Variants in KAT2A observed in about 807,000 individuals in gnomAD.
The protein encoded by KAT2A is histone acetyltransferase KAT2A.
A neutral mutation model predicts 95.2 loss-of-function variants in KAT2A; 42 were observed. The observed-to-expected ratio is 0.44, with a 90% CI of 0.34 to 0.57. The LOEUF (loss-of-function observed/expected upper bound fraction) is 0.57. Ranked by LOEUF, KAT2A falls within the 20% of genes least tolerant of loss-of-function variation. The pLI is 0.01. For missense variants in KAT2A, 784 were observed against 1,126.3 expected (o/e 0.70, Z 4.35); for synonymous variants, 449 against 448.2 (o/e 1.00, Z -0.02).
chr17:42,118,186 G>C, intron 7 of KAT2A, 111 bp downstream of exon 7: 1 of 905,764 alleles, frequency 1.1e-6, no homozygotes. Context: ...GCCGGTGGCA[G>C]GTCCCTCAGT....
Position 42,121,355 on chromosome 17 carries a change from A to G in KAT2A, c.-51T>C, listed in dbSNP as rs781791194. 6.7e-6 allele frequency: 9 copies of G among 1,348,932 alleles called. No homozygotes were observed. In the East Asian group the frequency reaches 9.1e-5, roughly 14 times the overall value. The allele number at this position is 1,348,932 out of a possible 1,614,324, so 83.6% of individuals were successfully genotyped here. On this transcript the variant is annotated 5_prime_UTR_variant, in exon 1 of 18. An upstream start codon of the reference 5' UTR is lost. Coordinates refer to ENST00000225916, the MANE Select transcript of KAT2A (RefSeq NM_021078.3). ...GCCGCGCTCCCAGCCCTAGGGCCGC[A>G]TGGGCAACCAGCGCTCAGTGCGCAG...
chr17:42,115,016 T>A lies in KAT2A; in HGVS notation c.1895A>T (p.Lys632Met). The change falls in exon 13 of 18, where the codon AAG becomes ATG. Residue 632 changes from lysine to methionine, a missense_variant. Physicochemically the swap from Lys to Met is moderately conservative, Grantham distance 95 (BLOSUM62 -1). Around this residue, in one of 6 missense-constraint regions of KAT2A, gnomAD observed 174 missense variants for 324.9 expected, o/e 0.54. Transcript: ENST00000225916. The stretch of plus-strand genomic sequence containing the variant: ...GCCCAGGTAGCGGCTCTTGGGCACC[T>A]TGATGTCCTTGGAGAAACCCTGGGG... Reference protein sequence around the residue: ...FKKQGFSKDIKVPKSRYLGYI... With the variant: ...FKKQGFSKDIMVPKSRYLGYI... 1 of 1,613,938 alleles carries A rather than the reference T, an allele frequency of 6.2e-7. No homozygotes were observed. The highest frequency in any genetic ancestry group is 1.3e-5 in the African/African-American group (1 of 74,974).
chr17:42,118,345 C>G lies in KAT2A; in HGVS notation c.1132G>C (p.Gly378Arg). 6.2e-7 allele frequency: 1 copy of G among 1,614,138 alleles called. No homozygotes were observed. The highest frequency in any genetic ancestry group is 8.5e-7 in the Non-Finnish European group (1 of 1,179,960). The change falls in exon 7 of 18, where the codon GGC becomes CGC. Residue 378 changes from glycine (G) to arginine (R), a missense_variant. This residue lies in a region of KAT2A where 63 missense variants were observed against 70.1 expected (regional missense o/e 0.90). Coordinates refer to ENST00000225916, the MANE Select transcript of KAT2A (RefSeq NM_021078.3). ...CCCTCTGAGGGTGGCATGGTGAAGCCTGACTCCCAGATTGGAGAGTTTGCC... is the reference window on the plus strand; with the variant it reads ...CCCTCTGAGGGTGGCATGGTGAAGCGTGACTCCCAGATTGGAGAGTTTGCC... Reference protein sequence around the residue: ...YGANSPIWESGFTMPPSEGTQ... With the variant: ...YGANSPIWESRFTMPPSEGTQ...
At position 42,117,892 on chromosome 17, in the gene KAT2A, G is replaced by A. The variant is rs782004907; in HGVS notation, c.1291+15C>T. The A allele has an allele frequency of 2.5e-6, 4 of 1,599,634 alleles. No individual in the cohort carries two copies. The highest frequency in any genetic ancestry group is 2.2e-5 in the East Asian group (1 of 44,582). ...GGAGTGAATGAGGGTCAGAGGTCAG[G>A]GGTCAAGTATCCACCTGGCATAGGC... On this transcript the variant is annotated intron_variant, in intron 8 of 17. Coordinates refer to ENST00000225916, the MANE Select transcript of KAT2A (RefSeq NM_021078.3). This position sits in a 1 kb window ranked among gnomAD's most constrained non-coding sequence, Gnocchi z 8.9.
At chr17:42,118,084 A>C (rs2054286690) in intron 7 of KAT2A, 67 bp from the exon 8 acceptor site, 10 of 872,964 alleles carry the variant, frequency 1.1e-5, no homozygotes, top group African/African-American at 2.2e-5. Context: ...GAAGTCAGGG[A>C]CGGGGGCTGA....
At position 42,121,168 on chromosome 17, in the gene KAT2A, G is replaced by A; in HGVS notation, c.137C>T (p.Pro46Leu). Residue 46 changes from proline (P) to leucine (L), a missense_variant, in exon 1 of 18, where the codon CCA (proline) becomes CTA (leucine). Coordinates refer to ENST00000225916, the MANE Select transcript of KAT2A (RefSeq NM_021078.3). ...SAPIPTPTPA[P>L]APAPAAAPAG... ...TGGGGCTGCAGCTGGGGCAGGGGCT[G>A]GTGCCGGGGTGGGAGTCGGAATCGG... 1 of 1,419,192 alleles carries A rather than the reference G, an allele frequency of 7.0e-7. No individual in the cohort carries two copies. Among genetic ancestry groups the A allele is most frequent in the Admixed American group, 2.4e-5 (1 of 41,086 alleles). The allele number at this position is 1,419,192 out of a possible 1,614,324, so 87.9% of individuals were successfully genotyped here.
In KAT2A at chr17:42,117,415, T is replaced by C. The variant is rs1454120592; in HGVS notation, c.1610A>G (p.Glu537Gly). ...GTCAAAGACGAGGCGGGCGATATAC[T>C]CCTTAGGCATGCGCGGCAGCTGGTG... ...FSHQLPRMPKEYIARLVFDPK... is the reference protein window; with the variant it reads ...FSHQLPRMPKGYIARLVFDPK... Residue 537 changes from glutamate (E) to glycine (G), a missense_variant, in exon 10 of 18, where the codon GAG (glutamate) becomes GGG (glycine). Around this residue, in one of 6 missense-constraint regions of KAT2A, gnomAD observed 174 missense variants for 324.9 expected, o/e 0.54. Coordinates refer to ENST00000225916, the MANE Select transcript of KAT2A (RefSeq NM_021078.3). The surrounding 1 kb of genome is among the most constrained non-coding windows in gnomAD (Gnocchi z 8.9). 6.2e-7 allele frequency: 1 copy of C among 1,613,356 alleles called. No individual in the cohort carries two copies. Among genetic ancestry groups the C allele is most frequent in the Non-Finnish European group, 8.5e-7 (1 of 1,179,900 alleles).
rs1555665548 is a variant in KAT2A at position 42,114,499 on chromosome 17, G to C, written c.2125C>G (p.Pro709Ala). ...GVRQIPVESV[P>A]GIRETGWKPL... ...TGAGACCCCTGCTTACGAATGCCAG[G>C]AACGCTCTCCACAGGGATCTGCCTC... is the stretch of plus-strand genomic sequence containing the variant. The change falls in exon 14 of 18, where the codon CCT (proline) becomes GCT (alanine). Residue 709 changes from proline to alanine, a missense_variant. Coordinates refer to ENST00000225916, the MANE Select transcript of KAT2A (RefSeq NM_021078.3). The surrounding 1 kb of genome is among the most constrained non-coding windows in gnomAD (Gnocchi z 6.0). 1 of 1,614,022 alleles carries C rather than the reference G, an allele frequency of 6.2e-7. No homozygotes were observed.
chr17:42,120,323 G>A lies in KAT2A; in HGVS notation c.511C>T (p.Arg171Ter). 2.5e-6 allele frequency: 4 copies of A among 1,614,144 alleles called. No homozygotes were observed. The highest frequency in any genetic ancestry group is 3.4e-6 in the Non-Finnish European group (4 of 1,180,006). ...ACATCCACCACCATCCCCAGCAGTC[G>A]GTTTATCTCATCCTCTGACACATTC... ...LENVSEDEIN[R>*]LLGMVVDVEN... The change falls in exon 3 of 18, where the codon CGA (arginine) becomes TGA (stop). Residue 171 changes from arginine to a stop codon, truncating the protein, a stop_gained. Coordinates refer to ENST00000225916, the MANE Select transcript of KAT2A (RefSeq NM_021078.3). LOFTEE classifies it high-confidence loss of function.
At position 42,115,777 on chromosome 17, in the gene KAT2A, A is replaced by G; in HGVS notation, c.1821T>C (p.Ile607=). ...HLKEYHIKHN[I]LYFLTYADEY... is the part of the protein sequence containing the mutation. ...CGTCGGCGTAGGTGAGGAAGTAGAG[A>G]ATGTTGTGCTTGATGTGATACTCCT... Residue 607 remains isoleucine (I), a synonymous_variant, in exon 12 of 18, where the codon ATT becomes ATC. Coordinates refer to ENST00000225916, the MANE Select transcript of KAT2A (RefSeq NM_021078.3). 6.2e-7 allele frequency: 1 copy of G among 1,613,892 alleles called. No homozygotes were observed. The highest frequency in any genetic ancestry group is 8.5e-7 in the Non-Finnish European group (1 of 1,179,894).
intron 12 of KAT2A, among the ~76,000 whole-genome samples, chr17:42,115,356 C>T (rs539983713): frequency 7.9e-6 from 1 of 126,426 alleles, no homozygotes; most frequent in South Asian, 3.3e-4. Flanking sequence ...TGCTCTTGGC[C>T]CCCAGTTCCT....
At chr17:42,113,932 C>A in intron 17 of KAT2A, 68 bp downstream of exon 17, 2 of 1,472,102 alleles carry the variant, frequency 1.4e-6, no homozygotes, top group East Asian at 4.9e-5. Context: ...GGCTGCAGGG[C>A]GCAGTGAGGG....
In KAT2A at chr17:42,114,773, G is replaced by T; in HGVS notation, c.2019+119C>A. ...AGAGCAAGAGCCAAGATCCTGGCCTGCCCCTCCTCACTCACACACATATAT... is the reference window on the plus strand; with the variant it reads ...AGAGCAAGAGCCAAGATCCTGGCCTTCCCCTCCTCACTCACACACATATAT... On this transcript the variant is annotated intron_variant, in intron 13 of 17. Transcript: ENST00000225916. This position sits in a 1 kb window ranked among gnomAD's most constrained non-coding sequence, Gnocchi z 6.0. The T allele has an allele frequency of 8.0e-7, 1 of 1,253,262 alleles. No individual in the cohort carries two copies. The highest frequency in any genetic ancestry group is 1.1e-6 in the Non-Finnish European group (1 of 873,202). 77.6% of individuals were successfully genotyped at this position (1,253,262 alleles called of 1,614,324 possible).
intron 2 of KAT2A, 144 bp downstream of exon 2, chr17:42,120,562 C>A (rs574112796): frequency 8.0e-6 from 10 of 1,248,422 alleles, no homozygotes; most frequent in African/African-American, 7.5e-5. Context: ...CCTTTCTCCC[C>A]CCTTGGTGCA....
chr17:42,121,351 C>A lies in KAT2A; in HGVS notation c.-47G>T. 7.4e-7 allele frequency: 1 copy of A among 1,352,710 alleles called. No homozygotes were observed. Among genetic ancestry groups the A allele is most frequent in the Non-Finnish European group, 9.4e-7 (1 of 1,059,130 alleles). The allele number at this position is 1,352,710 out of a possible 1,614,324, so 83.8% of individuals were successfully genotyped here. A position where few individuals can be genotyped will look rare whatever the true frequency, so the allele number is the denominator to read the frequency against. On this transcript the variant is annotated 5_prime_UTR_variant, in exon 1 of 18. Transcript: ENST00000225916. The stretch of plus-strand genomic sequence containing the variant: ...CGGCGCCGCGCTCCCAGCCCTAGGG[C>A]CGCATGGGCAACCAGCGCTCAGTGC...
Position 42,119,331 on chromosome 17 carries a change from G to T in KAT2A, c.987C>A (p.Thr329=), listed in dbSNP as rs1245480291. The T allele has an allele frequency of 1.2e-6, 2 of 1,613,996 alleles. No homozygotes were observed. The highest frequency in any genetic ancestry group is 3.3e-5 in the Admixed American group (2 of 59,984). ...GGAACTTTTCCAGCAGCTGCCGGCGGGTAACGGTGAAAATGGACCGGAGAA... is the reference window on the plus strand; with the variant it reads ...GGAACTTTTCCAGCAGCTGCCGGCGTGTAACGGTGAAAATGGACCGGAGAA... ...RSLLRSIFTV[T]RRQLLEKFRV... is the part of the protein sequence containing the mutation. Residue 329 remains threonine, a synonymous_variant, in exon 6 of 18, where the codon ACC becomes ACA. Coordinates refer to ENST00000225916, the MANE Select transcript of KAT2A (RefSeq NM_021078.3). This position sits in a 1 kb window ranked among gnomAD's most constrained non-coding sequence, Gnocchi z 5.3.
chr17:42,116,146 T>C (rs2054255324), intron 11 of KAT2A, among the ~76,000 whole-genome samples: 1 of 152,090 alleles, frequency 6.6e-6, no homozygotes, highest in African/African-American at 2.4e-5. Flanking sequence ...TCAGCTACGT[T>C]AGGAAATGTG....
rs2054304448 is a variant in KAT2A, at chr17:42,119,393, G to A, written c.925C>T (p.Pro309Ser). 1.9e-6 allele frequency: 3 copies of A among 1,613,964 alleles called. No homozygotes were observed. The highest frequency in any genetic ancestry group is 2.5e-6 in the Non-Finnish European group (3 of 1,179,878). The change falls in exon 6 of 18, where the codon CCC (proline) becomes TCC (serine). Residue 309 changes from proline to serine, a missense_variant. Physicochemically the swap from Pro to Ser is moderately conservative, Grantham distance 74. Coordinates refer to ENST00000225916, the MANE Select transcript of KAT2A (RefSeq NM_021078.3). The surrounding 1 kb of genome is among the most constrained non-coding windows in gnomAD (Gnocchi z 5.3). ...CHVPQSCDSL[P>S]RYETTHVFGR... ...AAGACATGAGTGGTTTCGTAGCGGG[G>A]GAGGCTATCACAGCTCTGGGGCACG...
intron 12 of KAT2A, 41 bp from the exon 13 acceptor site, chr17:42,115,076 T>C (rs370048883): frequency 1.4e-5 from 22 of 1,602,052 alleles, no homozygotes; most frequent in Non-Finnish European, 3.4e-6. Flanking sequence ...TCCATAAGTA[T>C]TTCCCAACTT....
Sources: gnomAD v4.1 joint callset for allele counts (sites outside exome capture counted in the v4.1 genomes callset) on GRCh38, gnomAD v4.1.1 for gene constraint, gnomAD v4.1.1 regional missense constraint, Gnocchi (gnomAD v3.1) non-coding constraint, MANE v1.5 for transcripts, NCBI Gene and HGNC (gene_info 2026-07-23, HGNC 2026-07-21) for gene names.